Variants in DENND5B observed in about 807,000 individuals in gnomAD.
DENND5B encodes the protein DENN domain-containing protein 5B.
A neutral mutation model predicts 140.6 loss-of-function variants in DENND5B; 34 were observed. The observed-to-expected ratio is 0.24, with a 90% CI of 0.18 to 0.32. The LOEUF (loss-of-function observed/expected upper bound fraction) is 0.32. DENND5B is among the 10% of genes least tolerant of loss of function. The probability of loss-of-function intolerance (pLI) is 1.00; values close to 1 mark genes in which losing one functional copy is unlikely to be tolerated. For synonymous variants in DENND5B, 551 were observed against 562.1 expected (o/e 0.98, Z 0.28); for missense variants, 1,142 against 1,560.2 (o/e 0.73, Z 4.52).
At chr12:31,546,036 A>C (rs1592020023) in intron 1 of DENND5B, among the ~76,000 whole-genome samples, 4 of 151,650 alleles carry the variant, frequency 2.6e-5, no homozygotes, top group Admixed American at 2.6e-4. Context: ...AAGGAAATAC[A>C]GTGAAATATT....
chr12:31,547,793 C>T (rs187953452), intron 1 of DENND5B, among the ~76,000 whole-genome samples: 308 of 152,154 alleles, frequency 2.0e-3, no homozygotes, highest in African/African-American at 6.6e-3. Flanking sequence ...GCAACCTCTA[C>T]CACCGGGTTC....
intron 14 of DENND5B, 80 bp from the exon 15 acceptor site, chr12:31,402,723 T>C: frequency 1.4e-6 from 2 of 1,447,494 alleles, no homozygotes; most frequent in Non-Finnish European, 9.2e-7. Flanking sequence ...AGAACTCTTG[T>C]TGGTTTTCAT....
At chr12:31,459,143 C>T (rs1034461141) in intron 4 of DENND5B, among the ~76,000 whole-genome samples, 1 of 151,402 alleles carries the variant, frequency 6.6e-6, no homozygotes, top group Admixed American at 6.6e-5. Context: ...ACCCAGGAGG[C>T]GGTGAGCCAA....
intron 6 of DENND5B, among the ~76,000 whole-genome samples, chr12:31,443,355 G>A (rs1453950107): frequency 1.3e-5 from 2 of 152,176 alleles, no homozygotes; most frequent in Admixed American, 6.5e-5. Context: ...GATTATAAGC[G>A]TGAGCCACCA....
intron 2 of DENND5B, among the ~76,000 whole-genome samples, chr12:31,484,414 G>C (rs749875805): frequency 6.6e-6 from 1 of 152,056 alleles, no homozygotes; most frequent in African/African-American, 2.4e-5. Context: ...ACTCAACGTC[G>C]ACCATTCTAT....
At chr12:31,529,162 C>CG (rs1948194297) in intron 1 of DENND5B, among the ~76,000 whole-genome samples, 1 of 113,240 alleles carries the variant, frequency 8.8e-6, no homozygotes, top group Non-Finnish European at 1.8e-5. Flanking sequence ...AACTCTGTCT[C>CG]AAAAAAAAAA....
rs115694483 is a variant in DENND5B, at chr12:31,480,378, C to T, written c.238-123G>A. Reference sequence around the variant, plus strand: ...ACAGGTTTTATCCAGATTTAATATTCGCAATAGCCTTAAATTAGAAATATA... The same window carrying T: ...ACAGGTTTTATCCAGATTTAATATTTGCAATAGCCTTAAATTAGAAATATA... On this transcript the variant is annotated intron_variant, in intron 2 of 20. Coordinates refer to ENST00000389082, the MANE Select transcript of DENND5B (RefSeq NM_144973.4). The T allele has an allele frequency of 1.7e-3, 1,447 of 855,520 alleles. 5 individuals are homozygous for T. Among genetic ancestry groups the T allele is most frequent in the African/African-American group, 0.015 (860 of 58,364 alleles). 53.0% of individuals were successfully genotyped at this position (855,520 alleles called of 1,614,324 possible). A position where few individuals can be genotyped will look rare whatever the true frequency, so the allele number is the denominator to read the frequency against.
chr12:31,495,515 A>G lies in DENND5B; in HGVS notation c.237+295T>C, dbSNP rs1946728986. ...TGCCTCAGCCTCCCGAGTAGCTGGGATTACAGGCATGTGCCACCACACCTG... is the reference window on the plus strand; with the variant it reads ...TGCCTCAGCCTCCCGAGTAGCTGGGGTTACAGGCATGTGCCACCACACCTG... On this transcript the variant is annotated intron_variant, in intron 2 of 20. Transcript: ENST00000389082. Among the ~76,000 whole-genome samples, 5 of 151,518 alleles carry G rather than the reference A, an allele frequency of 3.3e-5. No homozygotes were observed. The South Asian group carries it at 1.0e-3, about 32-fold the overall frequency.
intron 1 of DENND5B, among the ~76,000 whole-genome samples, chr12:31,534,452 AGTTTTTAG>A (rs1233653435): frequency 6.6e-6 from 1 of 152,068 alleles, no homozygotes; most frequent in Admixed American, 6.6e-5. Context: ...AGTCATGTCA[AGTTTTTAG>A]GTCTAGGCAA....
At chr12:31,390,848 C>A (rs1025526185) in intron 19 of DENND5B, among the ~76,000 whole-genome samples, 36 of 151,934 alleles carry the variant, frequency 2.4e-4, no homozygotes, top group African/African-American at 8.2e-4. Flanking sequence ...CATGGCAAAA[C>A]CCCATCTCTA....
chr12:31,573,314 A>C (rs1170654476), intron 1 of DENND5B, among the ~76,000 whole-genome samples: 1 of 152,262 alleles, frequency 6.6e-6, no homozygotes, highest in Non-Finnish European at 1.5e-5. Context: ...ACATTTGAAA[A>C]AAACACCAAT....
intron 1 of DENND5B, chr12:31,534,651 A>C (rs1212142664): frequency 2.9e-5 from 6 of 208,812 alleles, no homozygotes; most frequent in Non-Finnish European, 6.1e-5. Context: ...TCTTATGGGA[A>C]TATTTTATAT....
chr12:31,564,321 A>G (rs926106107), intron 1 of DENND5B, among the ~76,000 whole-genome samples: 4 of 152,030 alleles, frequency 2.6e-5, no homozygotes, highest in African/African-American at 9.7e-5. Flanking sequence ...AAACAAAACA[A>G]GAGCAACCCA....
intron 5 of DENND5B, among the ~76,000 whole-genome samples, chr12:31,451,466 G>C (rs1400291983): frequency 6.6e-6 from 1 of 152,060 alleles, no homozygotes; most frequent in Non-Finnish European, 1.5e-5. Context: ...TGGGACTACA[G>C]GTGTGCGCCA....
chr12:31,483,307 TAC>T (rs758953913), intron 2 of DENND5B, among the ~76,000 whole-genome samples: 19 of 152,238 alleles, frequency 1.2e-4, no homozygotes, highest in Non-Finnish European at 2.5e-4. Flanking sequence ...TGGAGGCCAT[TAC>T]AGTCTTTGTC....
intron 7 of DENND5B, among the ~76,000 whole-genome samples, chr12:31,441,121 T>C (rs892224557): frequency 2.0e-5 from 3 of 151,952 alleles, no homozygotes; most frequent in African/African-American, 7.2e-5. Context: ...GGAGTTCAGG[T>C]TGCTTGAGCC....
At chr12:31,571,994 G>A (rs1186622946) in intron 1 of DENND5B, among the ~76,000 whole-genome samples, 6 of 152,158 alleles carry the variant, frequency 3.9e-5, no homozygotes, top group Non-Finnish European at 5.9e-5. Context: ...GGAGGCCAGC[G>A]CAGGTGGATC....
rs79990653 is a variant in DENND5B at position 31,476,555 on chromosome 12, G to A, written c.904+3034C>T. Among the ~76,000 whole-genome samples, 164 of 151,224 alleles carry A rather than the reference G, an allele frequency of 1.1e-3. 1 individual carries two copies. In the East Asian group the frequency reaches 0.029, roughly 27 times the overall value. ...GTCACACAGGAGGATTACCTAACTC[G>A]CCCATGGGTATAGTTAATAAATGAC... is the stretch of plus-strand genomic sequence containing the variant. On this transcript the variant is annotated intron_variant, in intron 3 of 20. Transcript: ENST00000389082.
chr12:31,516,477 CAAAAAAAA>C (rs58069719), intron 1 of DENND5B, among the ~76,000 whole-genome samples: 1 of 68,670 alleles, frequency 1.5e-5, no homozygotes, highest in Admixed American at 1.8e-4. Flanking sequence ...GACCCTGTCT[CAAAAAAAA>C]AAAAAAAAAA....
Sources: gnomAD v4.1 joint callset for allele counts (sites outside exome capture counted in the v4.1 genomes callset) on GRCh38, gnomAD v4.1.1 for gene constraint, MANE v1.5 for transcripts, NCBI Gene and HGNC (gene_info 2026-07-23, HGNC 2026-07-21) for gene names.